RASAL2: variants seen among roughly 807,000 people sequenced by gnomAD.
RASAL2 encodes RAS protein activator like 2.
In RASAL2, 58 loss-of-function variants were observed where a neutral mutation model predicts 128.9. The observed-to-expected ratio is 0.45, with a 90% CI of 0.36 to 0.56. RASAL2 has a LOEUF of 0.56. Among genes scored for constraint, RASAL2 ranks in the 20% least tolerant of loss-of-function variants. The pLI is 0.00. For synonymous variants in RASAL2, 561 were observed against 580.8 expected (o/e 0.97, Z 0.49); for missense variants, 1,360 against 1,601.6 (o/e 0.85, Z 2.57).
intron 1 of RASAL2, among the ~76,000 whole-genome samples, chr1:178,137,473 G>A (rs939280361): frequency 1.3e-5 from 2 of 152,100 alleles, no homozygotes; most frequent in Admixed American, 6.5e-5. Context: ...GTGTGGCACC[G>A]TTTTTACTGT....
At chr1:178,279,046 CT>C (rs1346945892) in intron 1 of RASAL2, among the ~76,000 whole-genome samples, 1 of 152,090 alleles carries the variant, frequency 6.6e-6, no homozygotes, top group Non-Finnish European at 1.5e-5. Context: ...CCAAAGTTTG[CT>C]TTTTAGACTT....
chr1:178,102,082 GGAAGT>G lies in RASAL2; in HGVS notation c.202+7391_202+7395del, dbSNP rs1658921825. 2.6e-5 allele frequency among the ~76,000 whole-genome samples: 4 copies of G among 151,564 alleles called. No individual in the cohort carries two copies. The South Asian group carries it at 8.3e-4, about 32-fold the overall frequency. On this transcript the variant is annotated intron_variant, in intron 1 of 17. Transcript: ENST00000367649. ...GCATACTTTTTTTGGTGCTGTGATTGGAAGTGATGTCTGAAGGAAATTTGAATTTC... is the reference window on the plus strand; with the variant it reads ...GCATACTTTTTTTGGTGCTGTGATTGGATGTCTGAAGGAAATTTGAATTTC...
At chr1:178,187,845 C>T (rs1401397568) in intron 1 of RASAL2, among the ~76,000 whole-genome samples, 1 of 152,136 alleles carries the variant, frequency 6.6e-6, no homozygotes, top group African/African-American at 2.4e-5. Context: ...GAACTCCTGT[C>T]CTCAAGGAGT....
chr1:178,377,536 CAAAGT>C (rs1188753742), intron 3 of RASAL2, among the ~76,000 whole-genome samples: 2 of 152,098 alleles, frequency 1.3e-5, no homozygotes, highest in African/African-American at 4.8e-5. Flanking sequence ...AAGGGTCTAA[CAAAGT>C]AAAGAATTAG....
At chr1:178,200,289 A>G (rs183457854) in intron 1 of RASAL2, among the ~76,000 whole-genome samples, 1 of 152,286 alleles carries the variant, frequency 6.6e-6, no homozygotes, top group East Asian at 1.9e-4. Context: ...TAAGGACGCT[A>G]CTTCTAATAA....
intron 2 of RASAL2, among the ~76,000 whole-genome samples, chr1:178,287,427 A>G (rs1055947357): frequency 6.6e-6 from 1 of 151,940 alleles, no homozygotes; most frequent in Non-Finnish European, 1.5e-5. Context: ...AATACAATAA[A>G]GTGGATTGTT....
chr1:178,158,328 A>G (rs1661152609), intron 1 of RASAL2, among the ~76,000 whole-genome samples: 1 of 152,254 alleles, frequency 6.6e-6, no homozygotes, highest in African/African-American at 2.4e-5. Flanking sequence ...TCAACAAAGT[A>G]GTGGACTAAG....
At chr1:178,236,429 A>G (rs1664243898) in intron 1 of RASAL2, among the ~76,000 whole-genome samples, 1 of 152,156 alleles carries the variant, frequency 6.6e-6, no homozygotes, top group Admixed American at 6.5e-5. Context: ...CTAGCCACTA[A>G]AAACCTGTAG....
At chr1:178,097,406 C>T (rs1371641100) in intron 1 of RASAL2, among the ~76,000 whole-genome samples, 1 of 152,178 alleles carries the variant, frequency 6.6e-6, no homozygotes, top group African/African-American at 2.4e-5. Flanking sequence ...TAACCAAGCC[C>T]TTAACTTAAT....
intron 2 of RASAL2, among the ~76,000 whole-genome samples, chr1:178,295,230 A>AT (rs1037186903): frequency 6.9e-6 from 1 of 145,590 alleles, no homozygotes; most frequent in Admixed American, 7.0e-5. Context: ...AAGCGTTGGC[A>AT]TTTTTTTTCT....
rs570868183 is a variant in RASAL2, at chr1:178,452,743, C to T, written c.2009+91C>T. The T allele has an allele frequency of 2.5e-5, 25 of 1,002,844 alleles. No individual in the cohort carries two copies. The South Asian group carries it at 3.5e-4, about 14-fold the overall frequency. 62.1% of individuals were successfully genotyped at this position (1,002,844 alleles called of 1,614,324 possible). On this transcript the variant is annotated intron_variant, in intron 11 of 17. Coordinates refer to ENST00000367649, the MANE Select transcript of RASAL2 (RefSeq NM_170692.4). ...GATGAGGGTTGGGAGCCTCATCACT[C>T]ATGTTACCAGATTTTCACTGTGTTA...
intron 1 of RASAL2, among the ~76,000 whole-genome samples, chr1:178,238,236 T>A (rs111979526): frequency 0.01 from 1,552 of 152,322 alleles, 21 homozygotes; most frequent in African/African-American, 0.035. Flanking sequence ...GGCTCCTCCA[T>A]GTTATAGCAG....
intron 3 of RASAL2, among the ~76,000 whole-genome samples, chr1:178,324,912 C>A (rs1004368001): frequency 5.9e-5 from 9 of 152,192 alleles, no homozygotes; most frequent in African/African-American, 1.9e-4. Context: ...ACCCCCTTGG[C>A]ACCCACCTGC....
At chr1:178,127,611 C>T (rs925555175) in intron 1 of RASAL2, among the ~76,000 whole-genome samples, 20 of 152,186 alleles carry the variant, frequency 1.3e-4, no homozygotes, top group African/African-American at 4.8e-4. Context: ...TCAAGGCTTA[C>T]AGAGGAAATG....
At chr1:178,387,631 T>C (rs920262198) in intron 3 of RASAL2, among the ~76,000 whole-genome samples, 1 of 152,018 alleles carries the variant, frequency 6.6e-6, no homozygotes, top group African/African-American at 2.4e-5. Context: ...AGTGTTTGGT[T>C]TTTTGTCCTT....
intron 1 of RASAL2, among the ~76,000 whole-genome samples, chr1:178,109,927 A>G (rs1323526261): frequency 6.6e-6 from 1 of 152,142 alleles, no homozygotes; most frequent in Non-Finnish European, 1.5e-5. Context: ...CTGAAGCAGG[A>G]GGATTGCTTA....
At chr1:178,314,238 G>C (rs1285924632) in intron 3 of RASAL2, among the ~76,000 whole-genome samples, 1 of 152,154 alleles carries the variant, frequency 6.6e-6, no homozygotes, top group Non-Finnish European at 1.5e-5. Flanking sequence ...ACCTAGGTTA[G>C]GAATATTTTT....
intron 1 of RASAL2, among the ~76,000 whole-genome samples, chr1:178,250,058 A>AAT (rs1664968913): frequency 6.6e-6 from 1 of 152,272 alleles, no homozygotes; most frequent in African/African-American, 2.4e-5. Context: ...TTGAAGAGGC[A>AAT]GTCTGTCCCT....
chr1:178,365,800 T>G (rs547458247), intron 3 of RASAL2, among the ~76,000 whole-genome samples: 1 of 152,302 alleles, frequency 6.6e-6, no homozygotes, highest in South Asian at 2.1e-4. Context: ...CTAGTTATTC[T>G]TGCTTTCAGT....
Sources: gnomAD v4.1 joint callset for allele counts (sites outside exome capture counted in the v4.1 genomes callset) on GRCh38, gnomAD v4.1.1 for gene constraint, MANE v1.5 for transcripts, NCBI Gene and HGNC (gene_info 2026-07-23, HGNC 2026-07-21) for gene names.